The following JAKMIP3 variants were observed in gnomAD, a reference collection of about 807,000 sequenced individuals.
The protein encoded by JAKMIP3 is janus kinase and microtubule-interacting protein 3.
JAKMIP3 carries 58 observed loss-of-function variants against 118.5 expected under a neutral mutation model. The ratio of observed to expected loss-of-function variants is 0.49; its 90% CI spans 0.40 to 0.61. JAKMIP3 has a LOEUF of 0.61. JAKMIP3 is among the 20% of genes least tolerant of loss of function. The pLI is 0.00. For missense variants in JAKMIP3, 950 were observed against 1,109.0 expected, an observed-to-expected ratio of 0.86 and a Z score of 2.04; for synonymous variants, 486 against 451.2, an observed-to-expected ratio of 1.08 and a Z score of -0.98.
chr10:132,097,641 C>T (rs1247790643), intron 1 of JAKMIP3, among the ~76,000 whole-genome samples: 1 of 151,860 alleles, frequency 6.6e-6, no homozygotes, highest in African/African-American at 2.4e-5. Context: ...GATACTGTCC[C>T]GCTGTTTTCC....
chr10:132,156,584 G>T (rs1037772867), intron 19 of JAKMIP3, among the ~76,000 whole-genome samples: 12 of 152,138 alleles, frequency 7.9e-5, no homozygotes, highest in African/African-American at 2.9e-4. Flanking sequence ...GCAAGCCTCA[G>T]TTTGGTACCT....
intron 23 of JAKMIP3, among the ~76,000 whole-genome samples, chr10:132,169,560 G>C (rs1341057777): frequency 6.6e-6 from 1 of 152,136 alleles, no homozygotes; most frequent in East Asian, 1.9e-4. Flanking sequence ...AGGGTTTGTG[G>C]ATCCGTTGTG....
chr10:132,178,949 G>A (rs984221043), intron 23 of JAKMIP3, among the ~76,000 whole-genome samples: 4 of 152,310 alleles, frequency 2.6e-5, no homozygotes, highest in Non-Finnish European at 4.4e-5. Flanking sequence ...ACGTCTGCAC[G>A]TGGTACCCAT....
intron 23 of JAKMIP3, chr10:132,181,459 A>G (rs1254808968): frequency 6.6e-6 from 1 of 152,146 alleles, no homozygotes; most frequent in Non-Finnish European, 1.5e-5. Context: ...ATGGGGCTTC[A>G]CCTTTTCCCT....
intron 3 of JAKMIP3, among the ~76,000 whole-genome samples, chr10:132,126,107 G>C (rs574479513): frequency 6.6e-6 from 1 of 152,142 alleles, no homozygotes; most frequent in East Asian, 1.9e-4. Flanking sequence ...CATACCTTTT[G>C]TTTTCTCCTT....
chr10:132,138,200 C>T (rs780425632), intron 9 of JAKMIP3, 22 bp downstream of exon 9: 25 of 1,598,704 alleles, frequency 1.6e-5, no homozygotes, highest in African/African-American at 2.7e-5. Flanking sequence ...CACACCGGCA[C>T]GTGCGGAGAG....
rs527831023 is a variant in JAKMIP3, at chr10:132,052,550, C to T, written c.-138+15812C>T. 5.9e-5 allele frequency among the ~76,000 whole-genome samples: 9 copies of T among 152,292 alleles called. No individual in the cohort carries two copies. The South Asian group carries it at 6.2e-4, about 11-fold the overall frequency. On this transcript the variant is annotated intron_variant, in intron 1 of 23. Transcript: ENST00000657785. ...CCTACTCATTCTATCTTTTATCTCT[C>T]GTAGCTTCTTCTCTGGGTTCTGCCT...
chr10:132,044,008 G>A lies in JAKMIP3; in HGVS notation c.-138+7270G>A, dbSNP rs2037835654. Among the ~76,000 whole-genome samples the A allele has an allele frequency of 6.6e-6, 1 of 151,944 alleles. No homozygotes were observed. The highest frequency in any genetic ancestry group is 2.1e-4 in the South Asian group (1 of 4,832). Reference sequence around the variant, plus strand: ...CATGGTCCCAAAATCCATCCAAAGAGGGCAGGAAGTGCACAGACCTCGGGG... The same window carrying A: ...CATGGTCCCAAAATCCATCCAAAGAAGGCAGGAAGTGCACAGACCTCGGGG... On this transcript the variant is annotated intron_variant, in intron 1 of 23. Transcript: ENST00000657785. The surrounding 1 kb of genome is among the most constrained non-coding windows in gnomAD (Gnocchi z 5.3).
chr10:132,166,903 G>A (rs544537722), intron 21 of JAKMIP3, 80 bp from the exon 22 acceptor site: 7 of 990,140 alleles, frequency 7.1e-6, no homozygotes, highest in African/African-American at 6.5e-5. Flanking sequence ...GTAATCGCGT[G>A]TATTTCTTGC....
chr10:132,170,425 A>G (rs2059384003), intron 23 of JAKMIP3, among the ~76,000 whole-genome samples: 2 of 152,110 alleles, frequency 1.3e-5, no homozygotes, highest in African/African-American at 2.4e-5. Flanking sequence ...GCCTCACAGC[A>G]GGGGCAGGTG....
intron 23 of JAKMIP3, among the ~76,000 whole-genome samples, chr10:132,182,058 C>T (rs1012192202): frequency 6.6e-6 from 1 of 152,258 alleles, no homozygotes; most frequent in African/African-American, 2.4e-5. Context: ...CTGGCCCAGA[C>T]ATGGTGAGAA....
chr10:132,045,296 G>T (rs374063196), intron 1 of JAKMIP3, among the ~76,000 whole-genome samples: 6 of 152,144 alleles, frequency 3.9e-5, no homozygotes, highest in African/African-American at 1.2e-4. Flanking sequence ...TTTCATGCTT[G>T]TTGGCTGCCT....
At chr10:132,098,481 AAGTC>A (rs1379642138) in intron 1 of JAKMIP3, among the ~76,000 whole-genome samples, 6 of 152,214 alleles carry the variant, frequency 3.9e-5, no homozygotes, top group Non-Finnish European at 5.9e-5. Context: ...GCTTTTCAGA[AAGTC>A]ACTCATGGCA....
intron 1 of JAKMIP3, among the ~76,000 whole-genome samples, chr10:132,038,739 G>A (rs2037601854): frequency 6.7e-6 from 1 of 149,258 alleles, no homozygotes; most frequent in Admixed American, 6.8e-5. Flanking sequence ...GTTGCAATGA[G>A]CTGAGATCGC....
Position 132,088,838 on chromosome 10 carries a change from T to C in JAKMIP3, c.-137-15834T>C, listed in dbSNP as rs200776023. 4.0e-4 allele frequency among the ~76,000 whole-genome samples: 61 copies of C among 152,356 alleles called. 1 individual carries two copies. In the East Asian group the frequency reaches 8.7e-3, roughly 22 times the overall value. Reference sequence around the variant, plus strand: ...TTTTCTTCTAGGGTTTTTGTGGGTTTAGGTCTAACATTTAAGTCTTTAATC... The same window carrying C: ...TTTTCTTCTAGGGTTTTTGTGGGTTCAGGTCTAACATTTAAGTCTTTAATC... On this transcript the variant is annotated intron_variant, in intron 1 of 23. Coordinates refer to ENST00000684848, the MANE Select transcript of JAKMIP3 (RefSeq NM_001323087.2).
chr10:132,079,953 A>G (rs537125787), intron 1 of JAKMIP3, among the ~76,000 whole-genome samples: 5 of 152,360 alleles, frequency 3.3e-5, no homozygotes, highest in South Asian at 4.1e-4. Flanking sequence ...CCTCTAGGCC[A>G]TGGTGGATAC....
chr10:132,167,857 CCCCTCGG>C (rs1554958679), intron 22 of JAKMIP3, 89 bp from the exon 23 acceptor site: 8 of 733,090 alleles, frequency 1.1e-5, no homozygotes, highest in Middle Eastern at 3.2e-4. Flanking sequence ...TCGCCCCTCA[CCCCTCGG>C]CCCTCGCCCC....
chr10:132,078,094 G>T (rs2041123242), intron 1 of JAKMIP3, among the ~76,000 whole-genome samples: 1 of 152,204 alleles, frequency 6.6e-6, no homozygotes, highest in Non-Finnish European at 1.5e-5. Context: ...TTACAGGTGT[G>T]AGCCACCTCA....
rs989309551 is a variant in JAKMIP3, at chr10:132,168,491, C to T, written c.*561C>T. On this transcript the variant is annotated 3_prime_UTR_variant, in exon 23 of 24. Transcript: ENST00000684848. ...GCTCCCCGACGCCTCAGGGGCCCCT[C>T]CGATGCTGCAATATGTTGCTGGGGT... The T allele has an allele frequency of 1.1e-5, 10 of 885,798 alleles. No individual in the cohort carries two copies. The highest frequency in any genetic ancestry group is 1.5e-5 in the Non-Finnish European group (10 of 649,458). 54.9% of individuals were successfully genotyped at this position (885,798 alleles called of 1,614,324 possible).
Sources: allele counts gnomAD v4.1 joint callset (sites outside exome capture counted in the v4.1 genomes callset), GRCh38; gene constraint gnomAD v4.1.1; non-coding constraint Gnocchi (gnomAD v3.1); transcripts MANE v1.5; gene names NCBI Gene and HGNC (gene_info 2026-07-23, HGNC 2026-07-21).